Variants in CFAP57 observed in about 807,000 individuals in gnomAD.
CFAP57 encodes the protein cilia- and flagella-associated protein 57.
A neutral mutation model predicts 146.8 loss-of-function variants in CFAP57; 116 were observed. That is an observed-to-expected ratio of 0.79 (90% CI 0.68 to 0.92). The LOEUF is 0.92. Ranked by LOEUF, CFAP57 falls within the 40% of genes least tolerant of loss-of-function variation. The pLI is 0.00. For missense variants in CFAP57, 1,377 were observed against 1,527.2 expected, an observed-to-expected ratio of 0.90 and a Z score of 1.64; for synonymous variants, 518 against 552.8, an observed-to-expected ratio of 0.94 and a Z score of 0.88.
Position 43,197,615 on chromosome 1 carries a change from A to C in CFAP57, c.1185A>C (p.Leu395=), listed in dbSNP as rs1643920303. ...TGCACTCAGCACCCATCACCGGTCTAGCTACCTGCATCCGCAAACCCCTTA... is the reference window on the plus strand; with the variant it reads ...TGCACTCAGCACCCATCACCGGTCTCGCTACCTGCATCCGCAAACCCCTTA... ...YPLHSAPITG[L]ATCIRKPLIA... The change falls in exon 7 of 23, where the codon CTA becomes CTC. Residue 395 remains leucine, a synonymous_variant. Coordinates refer to ENST00000372492, the MANE Select transcript of CFAP57 (RefSeq NM_001378189.1). The C allele has an allele frequency of 3.1e-6, 5 of 1,614,150 alleles. No homozygotes were observed. Among genetic ancestry groups the C allele is most frequent in the Non-Finnish European group, 4.2e-6 (5 of 1,180,038 alleles).
rs1271654477 is a variant in CFAP57, at chr1:43,254,104, G to A, written c.3666G>A (p.Glu1222=). The A allele has an allele frequency of 6.4e-7, 1 of 1,550,712 alleles. No homozygotes were observed. The change falls in exon 23 of 23, where the codon GAG becomes GAA. Residue 1222 remains glutamate (E), a synonymous_variant. Transcript: ENST00000372492. ...QRLRDQIQEQ[E]QVTGFHTLAG... is the part of the protein sequence containing the mutation. ...TCAGAGACCAGATCCAAGAGCAAGAGCAGGTCACAGGGTTCCACACCCTCG... is the reference window on the plus strand; with the variant it reads ...TCAGAGACCAGATCCAAGAGCAAGAACAGGTCACAGGGTTCCACACCCTCG...
rs778442721 is a variant in CFAP57, at chr1:43,186,740, C to T, written c.1003C>T (p.Gln335Ter). 3 of 1,614,042 alleles carry T rather than the reference C, an allele frequency of 1.9e-6. No individual in the cohort carries two copies. The highest frequency in any genetic ancestry group is 2.5e-6 in the Non-Finnish European group (3 of 1,179,992). The change falls in exon 6 of 23, where the codon CAG (glutamine) becomes TAG (stop). Residue 335 changes from glutamine (Q) to a stop codon, truncating the protein, a stop_gained. Coordinates refer to ENST00000372492, the MANE Select transcript of CFAP57 (RefSeq NM_001378189.1). LOFTEE classifies it high-confidence loss of function. ...GGACCCGCAGAGCAATGATCCAAGT[C>T]AGTCTGACAAACAGGACGTTCTCTG... ...PVDPQSNDPS[Q>*]SDKQDVLCLC...
intron 2 of CFAP57, among the ~76,000 whole-genome samples, chr1:43,174,316 G>A (rs1645088325): frequency 6.6e-6 from 1 of 152,096 alleles, no homozygotes; most frequent in East Asian, 1.9e-4. Context: ...GGAATAAGCT[G>A]TATTAAATAC....
intron 1 of CFAP57, 32 bp from the exon 2 acceptor site, chr1:43,172,703 C>T (rs1354258637): frequency 2.5e-6 from 4 of 1,611,412 alleles, no homozygotes. Context: ...GCGGTGCTCT[C>T]CACTCTGAAG....
intron 17 of CFAP57, among the ~76,000 whole-genome samples, chr1:43,226,773 G>A (rs1364836701): frequency 1.3e-5 from 2 of 152,230 alleles, no homozygotes; most frequent in African/African-American, 4.8e-5. Flanking sequence ...GTGAGTGAAT[G>A]CATGAGAGTC....
At chr1:43,232,809 C>T (rs1330668625) in intron 19 of CFAP57, among the ~76,000 whole-genome samples, 185 bp downstream of exon 19, 1 of 152,222 alleles carries the variant, frequency 6.6e-6, no homozygotes, top group Non-Finnish European at 1.5e-5. Context: ...CATCACTGAA[C>T]TCATCTGAGA....
At position 43,246,793 on chromosome 1, in the gene CFAP57, G is replaced by A. The variant is rs563019620; in HGVS notation, c.3538+3434G>A. 3.7e-4 allele frequency among the ~76,000 whole-genome samples: 57 copies of A among 152,204 alleles called. 1 individual carries two copies. Among genetic ancestry groups the A allele is most frequent in the Non-Finnish European group, 7.4e-4 (50 of 68,006 alleles). On this transcript the variant is annotated intron_variant, in intron 22 of 22. Coordinates refer to ENST00000372492, the MANE Select transcript of CFAP57 (RefSeq NM_001378189.1). Reference sequence around the variant, plus strand: ...AAAAACCTGAACATATTTTGTTTTCGAGTACATACATGACGGCCCATCAGT... The same window carrying A: ...AAAAACCTGAACATATTTTGTTTTCAAGTACATACATGACGGCCCATCAGT...
chr1:43,214,028 C>T (rs1004424401), intron 11 of CFAP57, among the ~76,000 whole-genome samples: 20 of 151,498 alleles, frequency 1.3e-4, no homozygotes, highest in Admixed American at 7.3e-4. Context: ...CTGGGATTAC[C>T]GTGCCTGCCA....
chr1:43,175,321 A>G (rs1397664337), intron 2 of CFAP57, among the ~76,000 whole-genome samples: 1 of 151,826 alleles, frequency 6.6e-6, no homozygotes, highest in East Asian at 1.9e-4. Flanking sequence ...GTATATATAC[A>G]TAGTATATAT....
intron 6 of CFAP57, among the ~76,000 whole-genome samples, chr1:43,187,253 C>G (rs1643188576): frequency 1.3e-5 from 2 of 152,182 alleles, no homozygotes; most frequent in Non-Finnish European, 2.9e-5. Context: ...TATAAATACA[C>G]TGCAGACATT....
rs1644107824 is a variant in CFAP57 at position 43,201,186 on chromosome 1, A to G, written c.1542+1683A>G. ...GCATAGATTAGATCACCAAGGGCCTATGTAGAATCTGAGAAGAATATTGGA... is the reference window on the plus strand; with the variant it reads ...GCATAGATTAGATCACCAAGGGCCTGTGTAGAATCTGAGAAGAATATTGGA... On this transcript the variant is annotated intron_variant, in intron 9 of 22. Coordinates refer to ENST00000372492, the MANE Select transcript of CFAP57 (RefSeq NM_001378189.1). The surrounding 1 kb of genome is among the most constrained non-coding windows in gnomAD (Gnocchi z 4.4). 6.6e-6 allele frequency among the ~76,000 whole-genome samples: 1 copy of G among 152,218 alleles called. No individual in the cohort carries two copies. Among genetic ancestry groups the G allele is most frequent in the Non-Finnish European group, 1.5e-5 (1 of 68,036 alleles).
intron 2 of CFAP57, among the ~76,000 whole-genome samples, chr1:43,179,599 G>T (rs370822109): frequency 6.6e-6 from 1 of 152,262 alleles, no homozygotes; most frequent in East Asian, 1.9e-4. Context: ...ATAGGAGGGA[G>T]TGAGCAGTGT....
intron 7 of CFAP57, among the ~76,000 whole-genome samples, chr1:43,197,957 T>C (rs1185861432): frequency 2.0e-5 from 3 of 152,172 alleles, no homozygotes; most frequent in African/African-American, 4.8e-5. Flanking sequence ...TCTCACCTTC[T>C]TACATAAACT....
chr1:43,182,674 G>A (rs1645463473), intron 3 of CFAP57, among the ~76,000 whole-genome samples: 1 of 152,148 alleles, frequency 6.6e-6, no homozygotes, highest in Non-Finnish European at 1.5e-5. Context: ...CAGACCAAAG[G>A]CAGGTAGAAC....
intron 6 of CFAP57, among the ~76,000 whole-genome samples, chr1:43,192,087 G>A (rs61776951): frequency 1.3e-5 from 2 of 151,910 alleles, no homozygotes; most frequent in Non-Finnish European, 1.5e-5. Context: ...TAATTACACT[G>A]TGCTTAGAGA....
intron 4 of CFAP57, among the ~76,000 whole-genome samples, chr1:43,184,718 C>A (rs906151566): frequency 1.3e-5 from 2 of 151,420 alleles, no homozygotes; most frequent in Non-Finnish European, 2.9e-5. Context: ...TCACTACCAT[C>A]CCCCCATGCC....
chr1:43,183,808 A>G lies in CFAP57; in HGVS notation c.692A>G (p.Glu231Gly). 1 of 1,614,184 alleles carries G rather than the reference A, an allele frequency of 6.2e-7. No homozygotes were observed. Among genetic ancestry groups the G allele is most frequent in the Non-Finnish European group, 8.5e-7 (1 of 1,180,018 alleles). ...FLFESGDQRWETSIMVKEPTN... is the reference protein window; with the variant it reads ...FLFESGDQRWGTSIMVKEPTN... ...TTTGAATCTGGAGATCAGCGTTGGG[A>G]GACCAGCATAATGGTCAAGGAACCT... The change falls in exon 4 of 23, where the codon GAG becomes GGG. Residue 231 changes from glutamate (E) to glycine (G), a missense_variant. Transcript: ENST00000372492.
intron 10 of CFAP57, among the ~76,000 whole-genome samples, chr1:43,208,082 A>G (rs565406951): frequency 1.3e-5 from 2 of 152,364 alleles, no homozygotes; most frequent in South Asian, 4.1e-4. Flanking sequence ...GAGAAATGCA[A>G]ATCAAAACCA....
intron 21 of CFAP57, among the ~76,000 whole-genome samples, chr1:43,241,174 GA>G (rs1645900405): frequency 6.6e-6 from 1 of 152,126 alleles, no homozygotes; most frequent in African/African-American, 2.4e-5. Context: ...TTGCAGGAAC[GA>G]ATAGAACAAG....
Sources: gnomAD v4.1 joint callset for allele counts (sites outside exome capture counted in the v4.1 genomes callset) on GRCh38, gnomAD v4.1.1 for gene constraint, Gnocchi (gnomAD v3.1) non-coding constraint, MANE v1.5 for transcripts, NCBI Gene and HGNC (gene_info 2026-07-23, HGNC 2026-07-21) for gene names.